MTHFSD: variants seen among roughly 807,000 people sequenced by gnomAD.
MTHFSD encodes the protein methenyltetrahydrofolate synthetase domain containing, also known as methenyltetrahydrofolate synthase domain-containing protein.
Under a neutral mutation model 31.1 loss-of-function variants are expected in MTHFSD, and 37 were observed. The ratio of observed to expected loss-of-function variants is 1.19; its 90% CI spans 0.91 to 1.56. The LOEUF (loss-of-function observed/expected upper bound fraction) is 1.56. MTHFSD is among the 40% of genes most tolerant of loss of function. MTHFSD has a pLI of 0.00. For synonymous variants in MTHFSD, 221 were observed against 206.9 expected (o/e 1.07, Z -0.59); for missense variants, 664 against 510.1 (o/e 1.30, Z -2.91).
At chr16:86,553,951 AG>A (rs1169226367) in intron 2 of MTHFSD, among the ~76,000 whole-genome samples, 1 of 152,174 alleles carries the variant, frequency 6.6e-6, no homozygotes, top group Non-Finnish European at 1.5e-5. Context: ...TCTAGTGGGG[AG>A]GTGGAGAACT....
At chr16:86,539,870 C>G (rs1182948995) in intron 7 of MTHFSD, among the ~76,000 whole-genome samples, 1 of 152,122 alleles carries the variant, frequency 6.6e-6, no homozygotes, top group Non-Finnish European at 1.5e-5. Context: ...ATCTATAATG[C>G]ATCCCAGATA....
chr16:86,554,496 C>G (rs997525816), intron 2 of MTHFSD, 149 bp downstream of exon 2: 3 of 659,472 alleles, frequency 4.5e-6, no homozygotes, highest in Non-Finnish European at 8.0e-6. Flanking sequence ...GCTAAGGACG[C>G]CCTGGCCAAA....
chr16:86,539,083 A>G (rs554497024), intron 7 of MTHFSD, among the ~76,000 whole-genome samples: 1 of 152,288 alleles, frequency 6.6e-6, no homozygotes, highest in African/African-American at 2.4e-5. Flanking sequence ...ATGCATTTTA[A>G]GCCCCTTACC....
chr16:86,545,002 AC>A (rs1433993625), intron 5 of MTHFSD, among the ~76,000 whole-genome samples: 1 of 152,230 alleles, frequency 6.6e-6, no homozygotes, highest in East Asian at 1.9e-4. Context: ...TGGGAGCTGA[AC>A]AATGAGAACA....
chr16:86,553,685 G>C (rs915353442), intron 2 of MTHFSD: 8 of 153,154 alleles, frequency 5.2e-5, no homozygotes, highest in African/African-American at 1.9e-4. Flanking sequence ...GAGGAGCGAC[G>C]CTCCTGCTCC....
intron 7 of MTHFSD, chr16:86,533,233 A>C (rs1418875295): frequency 6.6e-6 from 1 of 152,252 alleles, no homozygotes; most frequent in Admixed American, 6.5e-5. Context: ...CTTGGAACAG[A>C]CTGGAACTGG....
chr16:86,546,649 C>A lies in MTHFSD; in HGVS notation c.352G>T (p.Gly118Cys), dbSNP rs895797098. The A allele has an allele frequency of 1.2e-6, 2 of 1,612,656 alleles. No homozygotes were observed. The highest frequency in any genetic ancestry group is 4.5e-5 in the East Asian group (2 of 44,890). The change falls in exon 5 of 8, where the codon GGT (glycine) becomes TGT (cysteine). Residue 118 changes from glycine (G) to cysteine (C), a missense_variant and splice_region_variant. Physicochemically the swap from Gly to Cys is radical, Grantham distance 159. Coordinates refer to ENST00000360900, the MANE Select transcript of MTHFSD (RefSeq NM_001159377.2). ...DILRKCATSQ[G>C]VRNYSVPIGL... is the part of the protein sequence containing the mutation. ...ATGGGGACACTGTAGTTCCTCACACCCTGCACACAGAGATACGGATTGGAA... is the reference window on the plus strand; with the variant it reads ...ATGGGGACACTGTAGTTCCTCACACACTGCACACAGAGATACGGATTGGAA...
chr16:86,553,163 G>A (rs915712699), intron 2 of MTHFSD: 4 of 152,266 alleles, frequency 2.6e-5, no homozygotes, highest in African/African-American at 9.6e-5. Context: ...GCTCTTAGCA[G>A]GGTCAATTTT....
At chr16:86,549,679 C>G (rs547463224) in intron 3 of MTHFSD, among the ~76,000 whole-genome samples, 1 of 152,232 alleles carries the variant, frequency 6.6e-6, no homozygotes, top group South Asian at 2.1e-4. Flanking sequence ...TAAGAATTAC[C>G]GAGGTCTAGA....
chr16:86,549,135 G>T (rs554168325), intron 3 of MTHFSD, among the ~76,000 whole-genome samples: 14 of 152,334 alleles, frequency 9.2e-5, no homozygotes, highest in African/African-American at 3.4e-4. Flanking sequence ...AATGCCTATT[G>T]TGAGAACCTC....
intron 5 of MTHFSD, among the ~76,000 whole-genome samples, chr16:86,545,726 C>T (rs964333052): frequency 5.9e-5 from 9 of 152,186 alleles, no homozygotes; most frequent in African/African-American, 2.2e-4. Context: ...CACGTCCTGT[C>T]CTGGTCCAGC....
chr16:86,548,554 T>G lies in MTHFSD; in HGVS notation c.261A>C (p.Pro87=), dbSNP rs775457954. The stretch of plus-strand genomic sequence containing the variant: ...ACAATCCCGTTCTCAGTCGTGGTGT[T>G]GGAACCAACAATGTTTTTTTGCTCT... The part of the protein sequence containing the change: ...VLQSKKTLLV[P]TPRLRTGLFN... Residue 87 remains proline, a synonymous_variant, in exon 4 of 8, where the codon CCA becomes CCC. Coordinates refer to ENST00000360900, the MANE Select transcript of MTHFSD (RefSeq NM_001159377.2). The G allele has an allele frequency of 6.2e-7, 1 of 1,611,742 alleles. No homozygotes were observed. Among genetic ancestry groups the G allele is most frequent in the Non-Finnish European group, 8.5e-7 (1 of 1,179,476 alleles).
In MTHFSD at chr16:86,537,938, C is replaced by T. The variant is rs1395083689; in HGVS notation, c.681+3759G>A. On this transcript the variant is annotated intron_variant, in intron 7 of 7. Coordinates refer to ENST00000360900, the MANE Select transcript of MTHFSD (RefSeq NM_001159377.2). Reference sequence around the variant, plus strand: ...CACGGGCCTTGGTCTATGGTGTCCTCGCCAACCCCGTGGTAATCAGGAGCC... The same window carrying T: ...CACGGGCCTTGGTCTATGGTGTCCTTGCCAACCCCGTGGTAATCAGGAGCC... Among the ~76,000 whole-genome samples the T allele has an allele frequency of 2.0e-5, 3 of 152,224 alleles. No individual in the cohort carries two copies. In the East Asian group the frequency reaches 5.8e-4, roughly 29 times the overall value.
At position 86,552,134 on chromosome 16, in the gene MTHFSD, C is replaced by A. The variant is rs1354471046; in HGVS notation, c.136G>T (p.Ala46Ser). The A allele has an allele frequency of 3.7e-6, 6 of 1,614,060 alleles. No individual in the cohort carries two copies. The highest frequency in any genetic ancestry group is 4.2e-6 in the Non-Finnish European group (5 of 1,180,044). ...TCTAGGTCTTTGATGTTTTGGCAAGCCAGATAAGACCCCTAGTTAGGCAAA... is the reference window on the plus strand; with the variant it reads ...TCTAGGTCTTTGATGTTTTGGCAAGACAGATAAGACCCCTAGTTAGGCAAA... ...RIPNFKGSYL[A>S]CQNIKDLDVF... is the part of the protein sequence containing the mutation. Residue 46 changes from alanine (A) to serine (S), a missense_variant, in exon 3 of 8, where the codon GCT becomes TCT. Physicochemically the swap from Ala to Ser is moderately conservative, Grantham distance 99 (BLOSUM62 1). Transcript: ENST00000360900.
chr16:86,540,902 A>T (rs923143693), intron 7 of MTHFSD: 1 of 1,124,424 alleles, frequency 8.9e-7, no homozygotes, highest in Non-Finnish European at 1.1e-6. Flanking sequence ...ACCTGCAGGG[A>T]AAGTCCCGGC....
In MTHFSD at chr16:86,547,293, G is replaced by C. The variant is rs533779589; in HGVS notation, c.352-644C>G. Reference sequence around the variant, plus strand: ...AATGCAGGCATGCATATAAAGAATAGGGAAGCTGAATATGTTCATGGTTCT... The same window carrying C: ...AATGCAGGCATGCATATAAAGAATACGGAAGCTGAATATGTTCATGGTTCT... On this transcript the variant is annotated intron_variant, in intron 4 of 7. Coordinates refer to ENST00000360900, the MANE Select transcript of MTHFSD (RefSeq NM_001159377.2). 2.8e-5 allele frequency: 28 copies of C among 985,640 alleles called. No homozygotes were observed. In the South Asian group the frequency reaches 1.0e-3, roughly 36 times the overall value. 61.1% of individuals were successfully genotyped at this position (985,640 alleles called of 1,614,324 possible). A position where few individuals can be genotyped will look rare whatever the true frequency, so the allele number is the denominator to read the frequency against.
At chr16:86,554,115 C>T (rs972407157) in intron 2 of MTHFSD, among the ~76,000 whole-genome samples, 24 of 152,270 alleles carry the variant, frequency 1.6e-4, no homozygotes, top group African/African-American at 5.3e-4. Flanking sequence ...CAACAACCCT[C>T]TCCAATCCCC....
chr16:86,554,997 G>C (rs751377708), intron 1 of MTHFSD, 172 bp downstream of exon 1: 20 of 1,379,762 alleles, frequency 1.4e-5, no homozygotes, highest in Middle Eastern at 1.9e-4. Flanking sequence ...TTCCGGGCGA[G>C]AGAGCCGCTG....
chr16:86,555,108 C>T, intron 1 of MTHFSD, 61 bp downstream of exon 1: 3 of 1,526,744 alleles, frequency 2.0e-6, no homozygotes, highest in Admixed American at 2.0e-5. Flanking sequence ...CCTCGACCCT[C>T]ACCGGTCCCG....
Sources: allele counts gnomAD v4.1 joint callset (sites outside exome capture counted in the v4.1 genomes callset), GRCh38; gene constraint gnomAD v4.1.1; transcripts MANE v1.5; gene names NCBI Gene and HGNC (gene_info 2026-07-23, HGNC 2026-07-21).